Variants in N4BP2L2 observed in about 807,000 individuals in gnomAD.
The protein encoded by N4BP2L2 is NEDD4 binding protein 2 like 2.
A neutral mutation model predicts 56.2 loss-of-function variants in N4BP2L2; 50 were observed. That is an observed-to-expected ratio of 0.89 (90% CI 0.71 to 1.13). The LOEUF is 1.13. Among genes scored for constraint, N4BP2L2 ranks in the 50% most tolerant of loss-of-function variants. The pLI is 0.00. For synonymous variants in N4BP2L2, 203 were observed against 223.6 expected, an observed-to-expected ratio of 0.91 and a Z score of 0.82; for missense variants, 689 against 693.8, an observed-to-expected ratio of 0.99 and a Z score of 0.08.
intron 6 of N4BP2L2, among the ~76,000 whole-genome samples, chr13:32,464,340 T>C (rs190446474): frequency 2.6e-5 from 4 of 152,366 alleles, no homozygotes; most frequent in Admixed American, 2.6e-4. Context: ...TCCTAGGTTC[T>C]ACCAATAGAA....
At chr13:32,481,872 G>A (rs1334146961) in intron 6 of N4BP2L2, among the ~76,000 whole-genome samples, 1 of 152,072 alleles carries the variant, frequency 6.6e-6, no homozygotes, top group African/African-American at 2.4e-5. Context: ...TCTAGCCTTG[G>A]GAACTAGACG....
chr13:32,455,474 G>C (rs1015592942), intron 6 of N4BP2L2, among the ~76,000 whole-genome samples: 2 of 152,158 alleles, frequency 1.3e-5, no homozygotes, highest in Non-Finnish European at 2.9e-5. Context: ...CTGCTGCAGG[G>C]GCCAAAGCAC....
exon 6 of N4BP2L2, chr13:32,510,988 A>G (rs2048005700): frequency 6.6e-6 from 1 of 151,974 alleles, no homozygotes; most frequent in African/African-American, 2.4e-5. Flanking sequence ...AAAAAAAAAG[A>G]TAACTATGTG....
At chr13:32,497,003 G>C (rs2088834811) in intron 6 of N4BP2L2, among the ~76,000 whole-genome samples, 1 of 152,182 alleles carries the variant, frequency 6.6e-6, no homozygotes, top group South Asian at 2.1e-4. Flanking sequence ...AGGGTTAGGT[G>C]GAAGTGGTGT....
At chr13:32,482,514 A>ATT (rs113883024) in intron 6 of N4BP2L2, among the ~76,000 whole-genome samples, 2 of 145,674 alleles carry the variant, frequency 1.4e-5, no homozygotes, top group African/African-American at 2.5e-5. Context: ...TGACCAGCTA[A>ATT]TTTTTTTTTT....
At chr13:32,525,170 C>T (rs925255518) in intron 3 of N4BP2L2, 6 of 152,186 alleles carry the variant, frequency 3.9e-5, no homozygotes, top group Admixed American at 2.0e-4. Flanking sequence ...ATCAACTAAT[C>T]TTGCTCCCCT....
chr13:32,530,330 G>C (rs1445926124), intron 2 of N4BP2L2, among the ~76,000 whole-genome samples: 2 of 151,584 alleles, frequency 1.3e-5, no homozygotes, highest in Non-Finnish European at 2.9e-5. Flanking sequence ...TTATTTTATG[G>C]ACTTAAAAAA....
downstream of N4BP2L2, chr13:32,506,982 A>G (rs1370569220): frequency 6.6e-6 from 1 of 151,768 alleles, no homozygotes; most frequent in Non-Finnish European, 1.5e-5. Flanking sequence ...TGCTAGTAAT[A>G]TCGTATTTCC....
At chr13:32,533,098 T>C (rs1316435971) in intron 2 of N4BP2L2, among the ~76,000 whole-genome samples, 2 of 152,194 alleles carry the variant, frequency 1.3e-5, no homozygotes, top group South Asian at 4.1e-4. Context: ...TAGTAGTTTC[T>C]AAATTTTAAT....
intron 9 of N4BP2L2, among the ~76,000 whole-genome samples, chr13:32,433,232 T>A (rs886878479): frequency 2.0e-5 from 3 of 152,086 alleles, no homozygotes; most frequent in Non-Finnish European, 4.4e-5. Context: ...TACAAAAAAT[T>A]AAAAATAAAT....
At chr13:32,535,167 T>C (rs1290716666) in intron 2 of N4BP2L2, among the ~76,000 whole-genome samples, 1 of 152,214 alleles carries the variant, frequency 6.6e-6, no homozygotes. Context: ...ATTTATTCCA[T>C]TAACAGAGAG....
chr13:32,469,425 G>A (rs1294480808), intron 6 of N4BP2L2, among the ~76,000 whole-genome samples: 2 of 152,164 alleles, frequency 1.3e-5, no homozygotes, highest in African/African-American at 4.8e-5. Context: ...GGGTGTTTAT[G>A]ACTGAGCACA....
At chr13:32,485,173 A>T (rs1272173784) in intron 6 of N4BP2L2, among the ~76,000 whole-genome samples, 3 of 152,184 alleles carry the variant, frequency 2.0e-5, no homozygotes, top group Non-Finnish European at 4.4e-5. Context: ...ATGGTATAAC[A>T]TGATTATTAT....
chr13:32,494,658 C>A (rs775648922), intron 6 of N4BP2L2, among the ~76,000 whole-genome samples: 16 of 151,894 alleles, frequency 1.1e-4, no homozygotes, highest in Non-Finnish European at 2.1e-4. Flanking sequence ...CCCAGCTACT[C>A]GGGAAGCTGA....
chr13:32,490,443 TACAGGC>T (rs1455248893), intron 6 of N4BP2L2, among the ~76,000 whole-genome samples: 2 of 152,128 alleles, frequency 1.3e-5, no homozygotes, highest in Non-Finnish European at 2.9e-5. Context: ...TAGCTGGGAT[TACAGGC>T]ACCTGTCACC....
chr13:32,494,260 G>A (rs1457707104), intron 6 of N4BP2L2, among the ~76,000 whole-genome samples: 1 of 151,922 alleles, frequency 6.6e-6, no homozygotes, highest in East Asian at 1.9e-4. Context: ...TCTAACCTGG[G>A]CAACAGAGTG....
chr13:32,449,606 A>G (rs1359732918), intron 6 of N4BP2L2, among the ~76,000 whole-genome samples: 3 of 152,338 alleles, frequency 2.0e-5, no homozygotes, highest in South Asian at 4.1e-4. Context: ...TTTTCAATGA[A>G]CTAACCAGCT....
chr13:32,492,686 A>C (rs531340317), intron 6 of N4BP2L2, among the ~76,000 whole-genome samples: 2 of 152,254 alleles, frequency 1.3e-5, no homozygotes, highest in Admixed American at 1.3e-4. Flanking sequence ...AAACAGTCAC[A>C]GTTGTTGTTT....
chr13:32,439,820 G>A (rs549349754), intron 7 of N4BP2L2, among the ~76,000 whole-genome samples: 2 of 148,698 alleles, frequency 1.3e-5, no homozygotes, highest in Admixed American at 6.7e-5. Context: ...AGACCAGCTC[G>A]GCCAGGATGG....
Sources: gnomAD v4.1 joint callset for allele counts (sites outside exome capture counted in the v4.1 genomes callset) on GRCh38, gnomAD v4.1.1 for gene constraint, MANE v1.5 for transcripts, NCBI Gene and HGNC (gene_info 2026-07-23, HGNC 2026-07-21) for gene names.